The following STON2 variants were observed in gnomAD, a reference collection of about 807,000 sequenced individuals.
STON2 encodes the protein stonin-2.
In STON2, 29 loss-of-function variants were observed where a neutral mutation model predicts 65.7. That is an observed-to-expected ratio of 0.44 (90% CI 0.33 to 0.60). STON2 has a LOEUF of 0.60. Among genes scored for constraint, STON2 ranks in the 20% least tolerant of loss-of-function variants. The pLI is 0.03. For missense variants in STON2, 1,054 were observed against 1,118.1 expected, an observed-to-expected ratio of 0.94 and a Z score of 0.82; for synonymous variants, 404 against 414.2, an observed-to-expected ratio of 0.98 and a Z score of 0.30.
chr14:81,292,742 T>C (rs183312504), intron 5 of STON2, among the ~76,000 whole-genome samples: 201 of 152,322 alleles, frequency 1.3e-3, no homozygotes, highest in African/African-American at 4.5e-3. Flanking sequence ...AGTGGACTAA[T>C]AGCACCACTA....
In STON2 at chr14:81,398,492, G is replaced by A. The variant is rs185263899; in HGVS notation, c.-110C>T. 4.3e-5 allele frequency: 34 copies of A among 784,350 alleles called. No individual in the cohort carries two copies. The East Asian group carries it at 4.5e-4, about 10-fold the overall frequency. The allele number at this position is 784,350 out of a possible 1,614,324, so 48.6% of individuals were successfully genotyped here. ...GGTAGTACGGTAGACTTGGGTCCAG[G>A]GTCTGTTCTAGGTGTCTTGCCAAGG... On this transcript the variant is annotated 5_prime_UTR_variant, in exon 2 of 8. Coordinates refer to ENST00000614646, the MANE Select transcript of STON2 (RefSeq NM_001394390.1).
At chr14:81,360,876 C>G (rs1898462305) in intron 4 of STON2, among the ~76,000 whole-genome samples, 1 of 152,048 alleles carries the variant, frequency 6.6e-6, no homozygotes, top group African/African-American at 2.4e-5. Context: ...TATACACCAA[C>G]AAATGTTCTG....
chr14:81,393,965 G>A (rs1018029083), intron 3 of STON2, among the ~76,000 whole-genome samples: 3 of 152,196 alleles, frequency 2.0e-5, no homozygotes, highest in Non-Finnish European at 2.9e-5. Context: ...TAAGGCAGGT[G>A]GATCACCTGA....
At chr14:81,362,686 G>A (rs558552627) in intron 4 of STON2, among the ~76,000 whole-genome samples, 14 of 152,178 alleles carry the variant, frequency 9.2e-5, no homozygotes, top group African/African-American at 2.2e-4. Flanking sequence ...TGATAGATAC[G>A]TTAATTGATT....
intron 5 of STON2, among the ~76,000 whole-genome samples, chr14:81,299,279 G>C (rs1274297379): frequency 1.3e-5 from 2 of 152,114 alleles, no homozygotes; most frequent in Non-Finnish European, 2.9e-5. Flanking sequence ...AATAAAGGTA[G>C]AAAAAGTATG....
At chr14:81,409,184 C>G (rs1353692473) in intron 2 of STON2, among the ~76,000 whole-genome samples, 1 of 152,094 alleles carries the variant, frequency 6.6e-6, no homozygotes, top group Non-Finnish European at 1.5e-5. Context: ...GAGGGAGGAT[C>G]ACTTGAGATC....
At chr14:81,334,763 G>T (rs1048647064) in intron 4 of STON2, among the ~76,000 whole-genome samples, 20 of 152,188 alleles carry the variant, frequency 1.3e-4, no homozygotes, top group African/African-American at 4.8e-4. Context: ...CAGGGAAAGA[G>T]AAATGTCCTA....
intron 4 of STON2, among the ~76,000 whole-genome samples, chr14:81,361,280 A>C (rs879625179): frequency 2.0e-5 from 3 of 152,188 alleles, no homozygotes; most frequent in Admixed American, 1.3e-4. Flanking sequence ...AAACTAAAAG[A>C]GCATGATACT....
chr14:81,308,826 GTGTGTGTGTGTATATATATATATATACA>G (rs1896305521), intron 5 of STON2, among the ~76,000 whole-genome samples: 8 of 8,614 alleles, frequency 9.3e-4, no homozygotes, highest in Non-Finnish European at 1.3e-3. Flanking sequence ...ATATATATAT[GTGTGTGTGTGTATATATATATATATACA>G]CATACATACA....
intron 1 of STON2, among the ~76,000 whole-genome samples, chr14:81,430,523 C>G (rs1189057775): frequency 6.6e-6 from 1 of 152,194 alleles, no homozygotes; most frequent in Non-Finnish European, 1.5e-5. Context: ...AGAGAGGCCA[C>G]TTCAGGGCAC....
In STON2 at chr14:81,278,149, G is replaced by A; in HGVS notation, c.1333C>T (p.Leu445Phe). Reference protein sequence around the residue: ...HSDAVEKLKQLQIDDPDHFGS... With the variant: ...HSDAVEKLKQFQIDDPDHFGS... ...AAGTGATCAGGGTCATCAATTTGGA[G>A]TTGTTTGAGTTTTTCAACAGCATCA... Residue 445 changes from leucine (L) to phenylalanine (F), a missense_variant, in exon 6 of 8, where the codon CTC becomes TTC. Coordinates refer to ENST00000614646, the MANE Select transcript of STON2 (RefSeq NM_001394390.1). 2 of 1,614,206 alleles carry A rather than the reference G, an allele frequency of 1.2e-6. No individual in the cohort carries two copies. The highest frequency in any genetic ancestry group is 1.7e-6 in the Non-Finnish European group (2 of 1,180,042).
intron 5 of STON2, among the ~76,000 whole-genome samples, chr14:81,302,103 A>G (rs1343295701): frequency 6.6e-6 from 1 of 152,198 alleles, no homozygotes; most frequent in African/African-American, 2.4e-5. Context: ...CATCAGGACT[A>G]ATGGGAGTAG....
intron 4 of STON2, among the ~76,000 whole-genome samples, chr14:81,332,171 G>A (rs751440669): frequency 2.6e-5 from 4 of 152,114 alleles, no homozygotes; most frequent in African/African-American, 7.2e-5. Flanking sequence ...TCCCTGAGCC[G>A]CTGCCACAGA....
chr14:81,272,482 T>TC (rs1894640236), intron 6 of STON2, among the ~76,000 whole-genome samples: 3 of 152,166 alleles, frequency 2.0e-5, no homozygotes. Context: ...ATTCCAATGT[T>TC]CTTTATTGGT....
chr14:81,426,919 C>T (rs1267117721), intron 2 of STON2, among the ~76,000 whole-genome samples: 2 of 152,202 alleles, frequency 1.3e-5, no homozygotes, highest in African/African-American at 4.8e-5. Flanking sequence ...TGTTCACCTA[C>T]CGCTTTATTT....
At chr14:81,329,122 G>C (rs983943010) in intron 4 of STON2, among the ~76,000 whole-genome samples, 1 of 152,272 alleles carries the variant, frequency 6.6e-6, no homozygotes, top group Middle Eastern at 3.4e-3. Flanking sequence ...GGTCATATTG[G>C]ATTAGGGTGA....
chr14:81,416,894 T>C (rs1243092046), intron 2 of STON2, among the ~76,000 whole-genome samples: 1 of 152,168 alleles, frequency 6.6e-6, no homozygotes, highest in African/African-American at 2.4e-5. Flanking sequence ...ATACCAAGAA[T>C]AACAAGGATT....
intron 4 of STON2, among the ~76,000 whole-genome samples, chr14:81,368,968 G>C (rs1898865271): frequency 6.6e-6 from 1 of 152,162 alleles, no homozygotes; most frequent in African/African-American, 2.4e-5. Flanking sequence ...TCTGGCGACT[G>C]ACCTCTGTGG....
intron 2 of STON2, among the ~76,000 whole-genome samples, chr14:81,414,159 G>A (rs1406639013): frequency 8.3e-6 from 1 of 119,894 alleles, no homozygotes; most frequent in Non-Finnish European, 1.6e-5. Flanking sequence ...CCGGGATACA[G>A]AGAAAGAGTT....
Sources: gnomAD v4.1 joint callset for allele counts (sites outside exome capture counted in the v4.1 genomes callset) on GRCh38, gnomAD v4.1.1 for gene constraint, MANE v1.5 for transcripts, NCBI Gene and HGNC (gene_info 2026-07-23, HGNC 2026-07-21) for gene names.